The following COG5 variants were observed in gnomAD, a reference collection of about 807,000 sequenced individuals.
COG5 encodes conserved oligomeric Golgi complex subunit 5.
A neutral mutation model predicts 110.4 loss-of-function variants in COG5; 86 were observed. That is an observed-to-expected ratio of 0.78 (90% CI 0.65 to 0.93). COG5 has a LOEUF of 0.93. Ranked by LOEUF, COG5 falls within the 40% of genes least tolerant of loss-of-function variation. COG5 has a pLI of 0.00. For synonymous variants in COG5, 360 were observed against 334.6 expected, an observed-to-expected ratio of 1.08 and a Z score of -0.83; for missense variants, 1,077 against 987.0, an observed-to-expected ratio of 1.09 and a Z score of -1.22.
Position 107,236,504 on chromosome 7 carries a change from G to T in COG5, c.2037C>A (p.Leu679=). 6.2e-7 allele frequency: 1 copy of T among 1,614,170 alleles called. No individual in the cohort carries two copies. Among genetic ancestry groups the T allele is most frequent in the Middle Eastern group, 1.6e-4 (1 of 6,062 alleles). ...TCCCACCTTCACCAAGAGGTCTTAT[G>T]AGACTGGCATGGCGGATAAAAAGTT... ...AVELFIRHAS[L]IRPLGEGGKM... is the part of the protein sequence containing the mutation. Residue 679 remains leucine, a synonymous_variant, in exon 18 of 22, where the codon CTC becomes CTA. Coordinates refer to ENST00000297135, the MANE Select transcript of COG5 (RefSeq NM_006348.5).
intron 5 of COG5, among the ~76,000 whole-genome samples, chr7:107,542,650 CAT>C (rs1312597345): frequency 6.6e-6 from 1 of 152,102 alleles, no homozygotes; most frequent in African/African-American, 2.4e-5. Flanking sequence ...CATATAATGA[CAT>C]ATTCTACAGC....
chr7:107,274,837 C>G (rs1804569637), intron 14 of COG5, among the ~76,000 whole-genome samples: 1 of 152,078 alleles, frequency 6.6e-6, no homozygotes, highest in East Asian at 1.9e-4. Flanking sequence ...TGTCATTGCT[C>G]TCTGTTTTCA....
At chr7:107,484,039 T>C (rs1481414723) in intron 6 of COG5, among the ~76,000 whole-genome samples, 1 of 152,142 alleles carries the variant, frequency 6.6e-6, no homozygotes, top group Admixed American at 6.5e-5. Flanking sequence ...TTTATTTATA[T>C]ATATCCTCCC....
At chr7:107,415,775 C>CATACATATAT (rs1792695247) in intron 6 of COG5, among the ~76,000 whole-genome samples, 2 of 122,918 alleles carry the variant, frequency 1.6e-5, no homozygotes, top group African/African-American at 7.3e-5. Flanking sequence ...TGTATATATA[C>CATACATATAT]ACACACATAC....
At chr7:107,400,951 A>T (rs1379385200) in intron 7 of COG5, among the ~76,000 whole-genome samples, 1 of 152,140 alleles carries the variant, frequency 6.6e-6, no homozygotes, top group Non-Finnish European at 1.5e-5. Context: ...AGAGAAAAAG[A>T]GTAGGAGAAA....
rs139171366 is a variant in COG5 at position 107,270,695 on chromosome 7, T to C, written c.1575+10605A>G. ...AAACTTCCAAAATATATACTACATT[T>C]AGTTTCGGTAATGTTATTTTAGGCA... On this transcript the variant is annotated intron_variant, in intron 14 of 21. Coordinates refer to ENST00000297135, the MANE Select transcript of COG5 (RefSeq NM_006348.5). Among the ~76,000 whole-genome samples, 178 of 152,218 alleles carry C rather than the reference T, an allele frequency of 1.2e-3. 2 individuals carry two copies. Among genetic ancestry groups the C allele is most frequent in the African/African-American group, 4.1e-3 (169 of 41,538 alleles).
chr7:107,338,029 A>T (rs899921945), intron 10 of COG5, among the ~76,000 whole-genome samples: 4 of 152,162 alleles, frequency 2.6e-5, no homozygotes, highest in Non-Finnish European at 5.9e-5. Context: ...TGCACTGAAC[A>T]ATGGGCTGCC....
chr7:107,208,591 C>T, intron 21 of COG5: 8 of 985,382 alleles, frequency 8.1e-6, no homozygotes, highest in Non-Finnish European at 7.2e-6. Context: ...CTGTGTTAGC[C>T]CAGGCCCAAA....
chr7:107,551,956 T>C (rs1802920959), intron 3 of COG5, among the ~76,000 whole-genome samples: 1 of 152,172 alleles, frequency 6.6e-6, no homozygotes, highest in African/African-American at 2.4e-5. Context: ...CTAGTGAATA[T>C]CCTGAGATAA....
intron 17 of COG5, among the ~76,000 whole-genome samples, chr7:107,242,265 G>A (rs1179082816): frequency 1.3e-5 from 2 of 152,286 alleles, no homozygotes; most frequent in Admixed American, 6.5e-5. Context: ...AAGCAAAACA[G>A]GACAACGCCT....
At chr7:107,237,741 A>G (rs1801310665) in intron 17 of COG5, among the ~76,000 whole-genome samples, 1 of 152,198 alleles carries the variant, frequency 6.6e-6, no homozygotes. Flanking sequence ...AAGGCTGCTG[A>G]AGGGTGTATG....
intron 6 of COG5, among the ~76,000 whole-genome samples, chr7:107,459,528 G>A (rs1282958806): frequency 1.3e-5 from 2 of 151,950 alleles, no homozygotes; most frequent in African/African-American, 4.8e-5. Flanking sequence ...CAGGTGTGGT[G>A]GCTCACGACT....
intron 10 of COG5, among the ~76,000 whole-genome samples, chr7:107,338,513 CT>C (rs1357317237): frequency 6.6e-5 from 10 of 152,210 alleles, no homozygotes; most frequent in African/African-American, 2.4e-4. Flanking sequence ...AAAGATTAGA[CT>C]TAAACATAAG....
At chr7:107,520,571 G>A (rs985407645) in intron 6 of COG5, among the ~76,000 whole-genome samples, 14 of 152,052 alleles carry the variant, frequency 9.2e-5, no homozygotes, top group Non-Finnish European at 7.4e-5. Context: ...AAAATATCTA[G>A]GAACACAGCT....
chr7:107,514,333 C>CACTT, intron 6 of COG5, among the ~76,000 whole-genome samples: 1 of 40,148 alleles, frequency 2.5e-5, no homozygotes, highest in Admixed American at 3.7e-4. Context: ...CTATTTTACA[C>CACTT]ACACACACAC....
At chr7:107,250,983 G>A (rs1341689100) in intron 16 of COG5, among the ~76,000 whole-genome samples, 1 of 151,940 alleles carries the variant, frequency 6.6e-6, no homozygotes, top group Non-Finnish European at 1.5e-5. Flanking sequence ...AGGGAAAAAG[G>A]CCTCACGCTA....
intron 6 of COG5, among the ~76,000 whole-genome samples, chr7:107,415,311 G>C (rs1792640761): frequency 1.3e-5 from 2 of 152,138 alleles, no homozygotes; most frequent in African/African-American, 4.8e-5. Context: ...ATTATTTACA[G>C]ATATGGAGGC....
intron 10 of COG5, among the ~76,000 whole-genome samples, chr7:107,339,628 C>T (rs1811014480): frequency 6.6e-6 from 1 of 151,998 alleles, no homozygotes; most frequent in Non-Finnish European, 1.5e-5. Context: ...TGCCATAAAG[C>T]AAGTCTCAAT....
At chr7:107,464,011 A>T (rs1796156085) in intron 6 of COG5, among the ~76,000 whole-genome samples, 1 of 152,104 alleles carries the variant, frequency 6.6e-6, no homozygotes, top group African/African-American at 2.4e-5. Context: ...AACAGAGCTA[A>T]AAAAAAGTCT....
Sources: gnomAD v4.1 joint callset for allele counts (sites outside exome capture counted in the v4.1 genomes callset) on GRCh38, gnomAD v4.1.1 for gene constraint, MANE v1.5 for transcripts, NCBI Gene and HGNC (gene_info 2026-07-23, HGNC 2026-07-21) for gene names.